The following TPTE2 variants were observed in gnomAD, a reference collection of about 807,000 sequenced individuals.
TPTE2 encodes phosphatidylinositol 3,4,5-trisphosphate 3-phosphatase TPTE2.
A neutral mutation model predicts 78.6 loss-of-function variants in TPTE2; 53 were observed. The observed-to-expected ratio is 0.67, with a 90% CI of 0.54 to 0.85. TPTE2 has a LOEUF of 0.85. TPTE2 is among the 40% of genes least tolerant of loss of function. The pLI is 0.00. For synonymous variants in TPTE2, 175 were observed against 206.2 expected (o/e 0.85, Z 1.30); for missense variants, 461 against 623.0 (o/e 0.74, Z 2.77).
chr13:19,455,156 G>A (rs1878463512), intron 10 of TPTE2, among the ~76,000 whole-genome samples: 1 of 152,214 alleles, frequency 6.6e-6, no homozygotes, highest in Admixed American at 6.5e-5. Context: ...TAACCTGGGT[G>A]AGATGTGGTT....
chr13:19,560,376 C>G, the TPTE2 span: 5 of 1,607,866 alleles, frequency 3.1e-6, no homozygotes. Flanking sequence ...CCCCCAGTTC[C>G]CCCAGGCCAG....
At chr13:19,451,810 T>C (rs1471836385) in intron 10 of TPTE2, among the ~76,000 whole-genome samples, 3 of 54,884 alleles carry the variant, frequency 5.5e-5, no homozygotes, top group Non-Finnish European at 1.4e-4. Flanking sequence ...TACCTATAAG[T>C]GTGTGTGTGT....
intron 6 of TPTE2, among the ~76,000 whole-genome samples, chr13:19,471,062 A>C (rs924316373): frequency 5.9e-5 from 9 of 152,016 alleles, no homozygotes; most frequent in Non-Finnish European, 1.3e-4. Context: ...GGTGTGCACC[A>C]CCACACCCTG....
At chr13:19,506,349 A>T (rs1486358330), upstream of TPTE2, among the ~76,000 whole-genome samples, 1 of 148,646 alleles carries the variant, frequency 6.7e-6, no homozygotes. Context: ...TTTTTTTTGT[A>T]TTTTTAGTAG....
intron 1 of TPTE2, among the ~76,000 whole-genome samples, chr13:19,519,049 C>T (rs569263591): frequency 2.6e-5 from 4 of 152,236 alleles, no homozygotes; most frequent in Admixed American, 6.5e-5. Context: ...ATTTTACTTG[C>T]AGAAACCCCA....
chr13:19,551,338 C>T, the TPTE2 span, among the ~76,000 whole-genome samples: 3 of 152,004 alleles, frequency 2.0e-5, no homozygotes, highest in Non-Finnish European at 4.4e-5. Context: ...GCCTGTAATC[C>T]CAGCACTTTG....
At chr13:19,495,168 G>C (rs1566064371) in intron 1 of TPTE2, among the ~76,000 whole-genome samples, 1 of 151,972 alleles carries the variant, frequency 6.6e-6, no homozygotes, top group Non-Finnish European at 1.5e-5. Flanking sequence ...ACCCATCCTA[G>C]TTGTCTTTCC....
chr13:19,486,547 G>A lies in TPTE2; in HGVS notation c.120-4000C>T, dbSNP rs569699612. ...CAGGACAGTTTCTCAGGCCCAGGAC[G>A]CAGGCACACAGCTGTTTGCCTGGCC... On this transcript the variant is annotated intron_variant, in intron 3 of 19. Coordinates refer to ENST00000400230, the Ensembl canonical transcript of TPTE2. This position sits in a 1 kb window ranked among gnomAD's most constrained non-coding sequence, Gnocchi z 4.3. 5.3e-4 allele frequency among the ~76,000 whole-genome samples: 81 copies of A among 152,286 alleles called. No individual in the cohort carries two copies. Among genetic ancestry groups the A allele is most frequent in the African/African-American group, 1.6e-3 (65 of 41,560 alleles).
chr13:19,483,558 TA>T (rs1880483189), intron 3 of TPTE2, among the ~76,000 whole-genome samples: 3 of 152,164 alleles, frequency 2.0e-5, no homozygotes, highest in Non-Finnish European at 4.4e-5. Flanking sequence ...TTAGTCTAGC[TA>T]ATGGTTTGTT....
chr13:19,431,246 C>T (rs1212034892), intron 16 of TPTE2, among the ~76,000 whole-genome samples: 1 of 152,082 alleles, frequency 6.6e-6, no homozygotes, highest in Non-Finnish European at 1.5e-5. Flanking sequence ...ATAATAAATA[C>T]TGTCATTTAA....
intron 13 of TPTE2, among the ~76,000 whole-genome samples, chr13:19,446,775 T>C (rs373645623): frequency 6.6e-6 from 1 of 152,234 alleles, no homozygotes; most frequent in South Asian, 2.1e-4. Context: ...ACCCTGTCTC[T>C]ATAAAAAATA....
At chr13:19,458,957 G>A (rs1283840182) in intron 10 of TPTE2, among the ~76,000 whole-genome samples, 3 of 152,116 alleles carry the variant, frequency 2.0e-5, no homozygotes, top group Non-Finnish European at 4.4e-5. Context: ...TGCTGGGTCT[G>A]ATGGTATTTC....
chr13:19,437,825 AATT>A (rs1877210389), intron 14 of TPTE2, among the ~76,000 whole-genome samples: 1 of 152,084 alleles, frequency 6.6e-6, no homozygotes, highest in Non-Finnish European at 1.5e-5. Flanking sequence ...TATTTATTTT[AATT>A]ATTATAATTT....
intron 17 of TPTE2, among the ~76,000 whole-genome samples, chr13:19,427,948 T>C (rs1288716451): frequency 6.6e-6 from 1 of 152,200 alleles, no homozygotes; most frequent in Non-Finnish European, 1.5e-5. Context: ...AGTAGAATGG[T>C]ACATAACTCA....
At chr13:19,545,932 C>T in the TPTE2 span, among the ~76,000 whole-genome samples, 11 of 152,262 alleles carry the variant, frequency 7.2e-5, no homozygotes, top group African/African-American at 2.4e-4. Context: ...TATCTCAGCA[C>T]TTTGGGAGGC....
chr13:19,508,732 T>C (rs1340469166), intron 1 of TPTE2, among the ~76,000 whole-genome samples: 1 of 151,936 alleles, frequency 6.6e-6, no homozygotes, highest in Admixed American at 6.6e-5. Flanking sequence ...TAAGAAGAAA[T>C]GAAAACTAAA....
chr13:19,496,253 C>T (rs1881305230), intron 1 of TPTE2, among the ~76,000 whole-genome samples: 1 of 152,198 alleles, frequency 6.6e-6, no homozygotes, highest in African/African-American at 2.4e-5. Context: ...ATGCCATTTA[C>T]CCTACACATC....
chr13:19,556,538 C>A, the TPTE2 span, among the ~76,000 whole-genome samples: 19 of 152,206 alleles, frequency 1.2e-4, no homozygotes, highest in South Asian at 8.3e-4. Flanking sequence ...TTCTCCCCCC[C>A]ACCTTTGAGT....
At chr13:19,430,407 G>C in intron 17 of TPTE2, 61 bp downstream of exon 20, 1 of 1,252,140 alleles carries the variant, frequency 8.0e-7, no homozygotes, top group Middle Eastern at 2.1e-4. Flanking sequence ...GAACATTGCT[G>C]GTTTGACATT....
Sources: gnomAD v4.1 joint callset for allele counts (sites outside exome capture counted in the v4.1 genomes callset) on GRCh38, gnomAD v4.1.1 for gene constraint, Gnocchi (gnomAD v3.1) non-coding constraint, MANE v1.5 for transcripts, NCBI Gene and HGNC (gene_info 2026-07-23, HGNC 2026-07-21) for gene names.